SLC24A2: variants seen among roughly 807,000 people sequenced by gnomAD.
The protein encoded by SLC24A2 is sodium/potassium/calcium exchanger 2.
A neutral mutation model predicts 62.0 loss-of-function variants in SLC24A2; 36 were observed. That is an observed-to-expected ratio of 0.58 (90% CI 0.44 to 0.77). The LOEUF is 0.77. Among genes scored for constraint, SLC24A2 ranks in the 30% least tolerant of loss-of-function variants. The pLI is 0.00. For missense variants in SLC24A2, 846 were observed against 817.9 expected, an observed-to-expected ratio of 1.03 and a Z score of -0.42; for synonymous variants, 358 against 294.0, an observed-to-expected ratio of 1.22 and a Z score of -2.23.
At position 19,577,053 on chromosome 9, in the gene SLC24A2, C is replaced by T. The variant is rs1236198359; in HGVS notation, c.1130-31G>A. On this transcript the variant is annotated intron_variant, in intron 5 of 10. Transcript: ENST00000341998. The stretch of plus-strand genomic sequence containing the variant: ...GCAAAAGAAAGTGGCAGGAAGGAGA[C>T]ACAATGAGAAAGAAGAGAGTCTCAG... 5.7e-6 allele frequency: 9 copies of T among 1,571,658 alleles called. No individual in the cohort carries two copies. The East Asian group carries it at 1.8e-4, about 31-fold the overall frequency.
chr9:20,035,955 G>C, the SLC24A2 span, among the ~76,000 whole-genome samples: 7 of 152,268 alleles, frequency 4.6e-5, no homozygotes, highest in East Asian at 1.4e-3. Flanking sequence ...TCGGATAGGA[G>C]TCCTAAGGAA....
the SLC24A2 span, among the ~76,000 whole-genome samples, chr9:20,168,736 G>A: frequency 6.6e-6 from 1 of 151,992 alleles, no homozygotes; most frequent in Non-Finnish European, 1.5e-5. Context: ...AGGAATTGAA[G>A]CCCTCGTGTA....
At chr9:20,075,994 A>G in the SLC24A2 span, among the ~76,000 whole-genome samples, 1 of 152,224 alleles carries the variant, frequency 6.6e-6, no homozygotes, top group Non-Finnish European at 1.5e-5. Context: ...ATAATAGCTA[A>G]TACAATGCAA....
the SLC24A2 span, among the ~76,000 whole-genome samples, chr9:19,935,409 CAA>C: frequency 6.6e-6 from 1 of 151,624 alleles, no homozygotes; most frequent in Non-Finnish European, 1.5e-5. Context: ...ACAAACAAAA[CAA>C]AAAAAACCCA....
At position 19,550,125 on chromosome 9, in the gene SLC24A2, T is replaced by A. The variant is rs1306712560; in HGVS notation, c.1479+12A>T. The A allele has an allele frequency of 5.6e-6, 9 of 1,612,998 alleles. No homozygotes were observed. The highest frequency in any genetic ancestry group is 1.7e-5 in the Admixed American group (1 of 59,996). On this transcript the variant is annotated intron_variant, in intron 8 of 10. Transcript: ENST00000341998. ...TTTTACAAGGGAACTATTTTTAAAA[T>A]GCTTTACTTACAGGTTTGCGAACGT...
chr9:19,802,115 G>C, the SLC24A2 span, among the ~76,000 whole-genome samples: 2 of 152,172 alleles, frequency 1.3e-5, no homozygotes, highest in African/African-American at 4.8e-5. Context: ...AATATTGTAG[G>C]ATGTCTCAAC....
the SLC24A2 span, among the ~76,000 whole-genome samples, chr9:20,163,534 A>G: frequency 1.3e-5 from 2 of 152,178 alleles, no homozygotes; most frequent in South Asian, 4.1e-4. Flanking sequence ...AAGAATCAAT[A>G]CCATGAAAAT....
the SLC24A2 span, among the ~76,000 whole-genome samples, chr9:19,984,452 T>A: frequency 6.6e-6 from 1 of 152,176 alleles, no homozygotes; most frequent in South Asian, 2.1e-4. Context: ...ACACCTGTAA[T>A]TGCAGCACTT....
chr9:19,921,245 C>T, the SLC24A2 span, among the ~76,000 whole-genome samples: 1 of 151,944 alleles, frequency 6.6e-6, no homozygotes, highest in African/African-American at 2.4e-5. Context: ...CTTACATGGC[C>T]GGGCATGGTG....
the SLC24A2 span, among the ~76,000 whole-genome samples, chr9:20,198,685 C>CTCTCACTCTCTCTCTCTCTT: frequency 6.6e-6 from 1 of 151,426 alleles, no homozygotes; most frequent in East Asian, 2.0e-4. Context: ...CTCTCTCTCT[C>CTCTCACTCTCTCTCTCTCTT]CACCCCCACC....
chr9:19,522,568 T>G (rs909875411), intron 9 of SLC24A2, among the ~76,000 whole-genome samples: 3 of 152,228 alleles, frequency 2.0e-5, no homozygotes, highest in Non-Finnish European at 1.5e-5. Context: ...ATTTTTGTTT[T>G]GATGGTCATG....
chr9:19,959,934 T>G, the SLC24A2 span, among the ~76,000 whole-genome samples: 1 of 152,186 alleles, frequency 6.6e-6, no homozygotes, highest in African/African-American at 2.4e-5. Flanking sequence ...ACCTAGTAAG[T>G]TGGGATAAGG....
intron 2 of SLC24A2, among the ~76,000 whole-genome samples, chr9:19,754,284 T>C (rs1225349741): frequency 1.3e-5 from 2 of 152,164 alleles, no homozygotes; most frequent in Non-Finnish European, 2.9e-5. Flanking sequence ...AGTCTCTTCC[T>C]GAAGCCACCC....
chr9:19,670,291 C>T (rs1215946851), intron 2 of SLC24A2, among the ~76,000 whole-genome samples: 1 of 152,186 alleles, frequency 6.6e-6, no homozygotes, highest in African/African-American at 2.4e-5. Flanking sequence ...AGTTTTTTGA[C>T]ATCCTAGTTC....
chr9:20,151,181 C>T, the SLC24A2 span, among the ~76,000 whole-genome samples: 1 of 151,968 alleles, frequency 6.6e-6, no homozygotes, highest in African/African-American at 2.4e-5. Flanking sequence ...TAGAAGTCCA[C>T]ATCAGAAAGA....
chr9:20,271,991 G>T, the SLC24A2 span, among the ~76,000 whole-genome samples: 3 of 152,120 alleles, frequency 2.0e-5, no homozygotes, highest in East Asian at 5.8e-4. Flanking sequence ...TAAACTATTA[G>T]ATCGCATTCA....
chr9:19,834,476 C>T, the SLC24A2 span, among the ~76,000 whole-genome samples: 28 of 151,702 alleles, frequency 1.8e-4, no homozygotes, highest in Admixed American at 1.3e-4. Context: ...AGGGTATCAG[C>T]GATGGAAGAT....
chr9:19,900,872 G>T, the SLC24A2 span, among the ~76,000 whole-genome samples: 2 of 152,152 alleles, frequency 1.3e-5, no homozygotes, highest in Non-Finnish European at 2.9e-5. Context: ...AGGAGAGAAA[G>T]GAATGGAAAA....
At chr9:19,621,025 G>C (rs1817896066) in intron 3 of SLC24A2, among the ~76,000 whole-genome samples, 1 of 152,140 alleles carries the variant, frequency 6.6e-6, no homozygotes, top group Admixed American at 6.5e-5. Flanking sequence ...ACTCACCTCA[G>C]GGTTTCAAAC....
Sources: gnomAD v4.1 joint callset for allele counts (sites outside exome capture counted in the v4.1 genomes callset) on GRCh38, gnomAD v4.1.1 for gene constraint, MANE v1.5 for transcripts, NCBI Gene and HGNC (gene_info 2026-07-23, HGNC 2026-07-21) for gene names.